Variants in PSPC1 observed in about 807,000 individuals in gnomAD.
PSPC1 encodes the protein paraspeckle protein 1.
A neutral mutation model predicts 51.6 loss-of-function variants in PSPC1; 14 were observed. The ratio of observed to expected loss-of-function variants is 0.27; its 90% CI spans 0.18 to 0.42. The LOEUF (loss-of-function observed/expected upper bound fraction) is 0.42. Among genes scored for constraint, PSPC1 ranks in the 10% least tolerant of loss-of-function variants. The pLI is 1.00. For missense variants in PSPC1, 406 were observed against 701.1 expected (o/e 0.58, Z 4.75); for synonymous variants, 193 against 231.9 (o/e 0.83, Z 1.53).
chr13:19,757,707 G>C (rs892298680), intron 3 of PSPC1, among the ~76,000 whole-genome samples: 2 of 152,142 alleles, frequency 1.3e-5, no homozygotes, highest in Admixed American at 1.3e-4. Flanking sequence ...CTGTAACAGG[G>C]CCTTTGAGCC....
chr13:19,709,406 T>C, intron 7 of PSPC1, 136 bp downstream of exon 7: 2 of 576,074 alleles, frequency 3.5e-6, no homozygotes, highest in Non-Finnish European at 6.2e-6. Context: ...TCCAGTTTAA[T>C]GGATGTAAGA....
intron 5 of PSPC1, among the ~76,000 whole-genome samples, chr13:19,732,684 T>C (rs1884263277): frequency 6.6e-6 from 1 of 152,112 alleles, no homozygotes. Flanking sequence ...TCCCACACTT[T>C]GGGAGCCTGA....
intron 7 of PSPC1, among the ~76,000 whole-genome samples, chr13:19,707,148 T>A (rs1880787909): frequency 6.6e-6 from 1 of 152,166 alleles, no homozygotes; most frequent in Non-Finnish European, 1.5e-5. Flanking sequence ...GGAATGTAAT[T>A]TTACAATGGT....
At chr13:19,743,365 T>C (rs1051133020) in intron 4 of PSPC1, among the ~76,000 whole-genome samples, 7 of 152,234 alleles carry the variant, frequency 4.6e-5, no homozygotes, top group Middle Eastern at 3.4e-3. Flanking sequence ...CTAAAGTTAA[T>C]CTAAGGTACC....
At chr13:19,752,207 C>G (rs1886626574) in intron 3 of PSPC1, among the ~76,000 whole-genome samples, 2 of 152,166 alleles carry the variant, frequency 1.3e-5, no homozygotes, top group Non-Finnish European at 2.9e-5. Context: ...CAAGGCCTAA[C>G]TTACTACCAT....
downstream of PSPC1, chr13:19,671,982 A>G (rs1283873764): frequency 8.5e-7 from 1 of 1,170,894 alleles, no homozygotes; most frequent in Non-Finnish European, 1.3e-6. Context: ...TTGTCTGTAA[A>G]CCTCTTGCAG....
intron 6 of PSPC1, among the ~76,000 whole-genome samples, chr13:19,691,983 C>G (rs1039573023): frequency 6.6e-6 from 1 of 151,882 alleles, no homozygotes; most frequent in Non-Finnish European, 1.5e-5. Context: ...AGTGAGCAAG[C>G]GGGGAGGGAT....
chr13:19,718,968 T>C (rs1882446542), intron 6 of PSPC1, among the ~76,000 whole-genome samples: 1 of 151,916 alleles, frequency 6.6e-6, no homozygotes, highest in Non-Finnish European at 1.5e-5. Context: ...AAGGGTTAGG[T>C]GGAAGGGATA....
intron 6 of PSPC1, among the ~76,000 whole-genome samples, chr13:19,714,491 A>G (rs1038118670): frequency 7.0e-6 from 1 of 142,902 alleles, no homozygotes; most frequent in Admixed American, 7.1e-5. Context: ...AGCCCAGCGG[A>G]TTTCTTTTTT....
intron 1 of PSPC1, among the ~76,000 whole-genome samples, chr13:19,773,650 T>G (rs886820250): frequency 4.0e-5 from 6 of 149,614 alleles, no homozygotes; most frequent in East Asian, 1.9e-4. Context: ...AGTTCTTGGG[T>G]TTTTTTTTCA....
chr13:19,705,301 T>C (rs1880505904), intron 8 of PSPC1, among the ~76,000 whole-genome samples: 1 of 152,222 alleles, frequency 6.6e-6, no homozygotes, highest in Admixed American at 6.5e-5. Flanking sequence ...GAGACCAGCC[T>C]GGCCAACATA....
chr13:19,777,621 G>C (rs1160147818), intron 1 of PSPC1, among the ~76,000 whole-genome samples: 1 of 151,796 alleles, frequency 6.6e-6, no homozygotes, highest in African/African-American at 2.4e-5. Context: ...CCCTTCTCTT[G>C]AAGCCACTTA....
intron 5 of PSPC1, among the ~76,000 whole-genome samples, chr13:19,736,473 G>A (rs1286497094): frequency 1.3e-5 from 2 of 151,982 alleles, no homozygotes; most frequent in African/African-American, 4.8e-5. Flanking sequence ...CACAAGGTCA[G>A]CAGATCGAGA....
intron 6 of PSPC1, among the ~76,000 whole-genome samples, chr13:19,687,917 T>C (rs1388906885): frequency 6.6e-6 from 1 of 152,110 alleles, no homozygotes; most frequent in East Asian, 1.9e-4. Context: ...AGATTTGTTT[T>C]CCAGTCTTGT....
rs1890094806 is a variant in PSPC1 at position 19,782,618 on chromosome 13, G to A, written c.140C>T (p.Pro47Leu). The change falls in exon 1 of 9, where the codon CCG becomes CTG. Residue 47 changes from proline (P) to leucine (L), a missense_variant. This residue lies in a region of PSPC1 where 128 missense variants were observed against 107.1 expected (regional missense o/e 1.20). Coordinates refer to ENST00000338910, the MANE Select transcript of PSPC1 (RefSeq NM_001354909.2). The surrounding 1 kb of genome is among the most constrained non-coding windows in gnomAD (Gnocchi z 4.5). ...MALALAGEPAPPAPAPPEDHP... is the reference protein window; with the variant it reads ...MALALAGEPALPAPAPPEDHP... ...GTCCTCTGGAGGCGCGGGCGCGGGC[G>A]GTGCCGGCTCCCCGGCAAGAGCGAG... The A allele has an allele frequency of 4.4e-6, 7 of 1,576,904 alleles. No individual in the cohort carries two copies. The East Asian group carries it at 1.7e-4, about 39-fold the overall frequency.
At chr13:19,702,193 C>T (rs1879990905), downstream of PSPC1, among the ~76,000 whole-genome samples, 2 of 152,158 alleles carry the variant, frequency 1.3e-5, no homozygotes, top group Admixed American at 1.3e-4. Context: ...CCTAACCCAT[C>T]AGACACGTTT....
rs35394300 is a variant in PSPC1 at position 19,768,974 on chromosome 13, C to CAA, written c.674+3266_674+3267dup. ...ACGTGGCGAAACCCCATCTCTACTG[C>CAA]AAAAAAAAAAAAAAAATTAGCCAGG... On this transcript the variant is annotated intron_variant, in intron 2 of 8. Transcript: ENST00000338910. 5.0e-3 allele frequency among the ~76,000 whole-genome samples: 617 copies of CAA among 123,954 alleles called. 10 individuals carry two copies. The highest frequency in any genetic ancestry group is 0.017 in the African/African-American group (554 of 32,864). The allele number at this position is 123,954 out of a possible 152,430, so 81.3% of individuals were successfully genotyped here.
intron 6 of PSPC1, among the ~76,000 whole-genome samples, chr13:19,690,679 T>A (rs918045691): frequency 6.6e-6 from 1 of 152,200 alleles, no homozygotes; most frequent in Non-Finnish European, 1.5e-5. Flanking sequence ...TACACCGTGA[T>A]TTTAGTTCTA....
chr13:19,673,011 G>A (rs1479819920), downstream of PSPC1: 6 of 432,334 alleles, frequency 1.4e-5, no homozygotes, highest in Admixed American at 1.1e-4. Context: ...AGCCGTGAAA[G>A]GCCACTGCAC....
Sources: gnomAD v4.1 joint callset for allele counts (sites outside exome capture counted in the v4.1 genomes callset) on GRCh38, gnomAD v4.1.1 for gene constraint, gnomAD v4.1.1 regional missense constraint, Gnocchi (gnomAD v3.1) non-coding constraint, MANE v1.5 for transcripts, NCBI Gene and HGNC (gene_info 2026-07-23, HGNC 2026-07-21) for gene names.